The following PRRX1 variants were observed in gnomAD, a reference collection of about 807,000 sequenced individuals.
PRRX1 encodes paired mesoderm homeobox protein 1.
A neutral mutation model predicts 24.0 loss-of-function variants in PRRX1; 8 were observed. The observed-to-expected ratio is 0.33, with a 90% CI of 0.20 to 0.60. PRRX1 has a LOEUF of 0.60. Among genes scored for constraint, PRRX1 ranks in the 20% least tolerant of loss-of-function variants. PRRX1 has a pLI of 0.82. For missense variants in PRRX1, 281 were observed against 322.4 expected (o/e 0.87, Z 0.98); for synonymous variants, 160 against 131.7 (o/e 1.22, Z -1.47).
chr1:170,672,737 A>C (rs1159309350), intron 1 of PRRX1, among the ~76,000 whole-genome samples: 1 of 152,240 alleles, frequency 6.6e-6, no homozygotes, highest in African/African-American at 2.4e-5. Context: ...CCTAGCCAGC[A>C]CTTCAGATAT....
Position 170,711,185 on chromosome 1 carries a change from T to C in PRRX1, c.242-8541T>C, listed in dbSNP as rs192417141. 2.4e-4 allele frequency among the ~76,000 whole-genome samples: 36 copies of C among 152,344 alleles called. 1 individual carries two copies. In the East Asian group the frequency reaches 6.9e-3, roughly 29 times the overall value. ...TTTTCATCTTCAGATTTATTTGACA[T>C]CCAAGACCAGAGTAACACCAAGAAG... On this transcript the variant is annotated intron_variant, in intron 1 of 3. Coordinates refer to ENST00000239461, the MANE Select transcript of PRRX1 (RefSeq NM_022716.4).
rs148994481 is a variant in PRRX1, at chr1:170,705,168, G to A, written c.242-14558G>A. ...CTTTCCTGCTCCATGTCTGCATTAC[G>A]TAGCAATTTAAGACCTCATTTATAT... On this transcript the variant is annotated intron_variant, in intron 1 of 3. Coordinates refer to ENST00000239461, the MANE Select transcript of PRRX1 (RefSeq NM_022716.4). Among the ~76,000 whole-genome samples the A allele has an allele frequency of 3.3e-5, 5 of 152,124 alleles. No individual in the cohort carries two copies. In the East Asian group the frequency reaches 5.8e-4, roughly 18 times the overall value.
At chr1:170,667,229 G>A (rs1289312532) in intron 1 of PRRX1, among the ~76,000 whole-genome samples, 2 of 152,062 alleles carry the variant, frequency 1.3e-5, no homozygotes, top group Non-Finnish European at 2.9e-5. Context: ...GGCCGCAGAA[G>A]GCAGAGTGAG....
At chr1:170,733,762 A>G (rs1041114087) in intron 3 of PRRX1, among the ~76,000 whole-genome samples, 3 of 152,086 alleles carry the variant, frequency 2.0e-5, no homozygotes, top group African/African-American at 7.2e-5. Context: ...TTTTTTTCTC[A>G]GATACTTAGA....
chr1:170,714,455 T>C (rs978899464), intron 1 of PRRX1, among the ~76,000 whole-genome samples: 2 of 152,260 alleles, frequency 1.3e-5, no homozygotes, highest in African/African-American at 4.8e-5. Context: ...AGTTGGTTTC[T>C]GCTACTGGAG....
At chr1:170,663,044 C>T (rs1432303123), upstream of PRRX1, 3 of 150,558 alleles carry the variant, frequency 2.0e-5, no homozygotes, top group African/African-American at 4.9e-5. Flanking sequence ...TTCTCTCTTT[C>T]TCTCTCTCTC....
intron 1 of PRRX1, among the ~76,000 whole-genome samples, chr1:170,674,607 A>AATAT (rs1653250469): frequency 6.6e-6 from 1 of 152,018 alleles, no homozygotes; most frequent in Non-Finnish European, 1.5e-5. Context: ...AGATTTAGAG[A>AATAT]CTTTTGGGGA....
chr1:170,667,222 C>G (rs1303970698), intron 1 of PRRX1, among the ~76,000 whole-genome samples: 1 of 151,910 alleles, frequency 6.6e-6, no homozygotes, highest in Non-Finnish European at 1.5e-5. Flanking sequence ...CGGAGGAGGC[C>G]GCAGAAGGCA....
intron 1 of PRRX1, among the ~76,000 whole-genome samples, chr1:170,678,412 G>A (rs1032878558): frequency 2.0e-5 from 3 of 152,226 alleles, no homozygotes; most frequent in East Asian, 1.9e-4. Context: ...ACTTTGACAA[G>A]TTTATTGCAA....
chr1:170,692,554 C>T (rs1571326320), intron 1 of PRRX1, among the ~76,000 whole-genome samples: 1 of 132,940 alleles, frequency 7.5e-6, no homozygotes. Context: ...CACTAGAGTT[C>T]TACTATTTTT....
chr1:170,734,895 TTCTC>T (rs1431971802), intron 3 of PRRX1, among the ~76,000 whole-genome samples: 1 of 152,176 alleles, frequency 6.6e-6, no homozygotes, highest in Non-Finnish European at 1.5e-5. Flanking sequence ...AGCTTTACTT[TTCTC>T]TCTTTCTGAT....
chr1:170,724,579 A>G (rs1027027414), intron 2 of PRRX1, among the ~76,000 whole-genome samples: 3 of 152,186 alleles, frequency 2.0e-5, no homozygotes, highest in Non-Finnish European at 4.4e-5. Context: ...GGCTTGATGA[A>G]TATCAGATGG....
intron 1 of PRRX1, among the ~76,000 whole-genome samples, chr1:170,690,347 C>T (rs1334919430): frequency 1.3e-5 from 2 of 151,938 alleles, no homozygotes; most frequent in African/African-American, 4.8e-5. Context: ...AACTTGTCAG[C>T]TCAGTGGGTA....
intron 2 of PRRX1, among the ~76,000 whole-genome samples, chr1:170,721,605 G>A (rs1655087954): frequency 6.6e-6 from 1 of 152,176 alleles, no homozygotes. Flanking sequence ...GAAGAAAGTC[G>A]TGGGAGCCTG....
chr1:170,676,909 G>C (rs1416934175), intron 1 of PRRX1, among the ~76,000 whole-genome samples: 1 of 152,090 alleles, frequency 6.6e-6, no homozygotes, highest in African/African-American at 2.4e-5. Flanking sequence ...ATTGGCATGT[G>C]ACTGCTGCAC....
chr1:170,676,220 A>G (rs928291570), intron 1 of PRRX1, among the ~76,000 whole-genome samples: 11 of 152,156 alleles, frequency 7.2e-5, no homozygotes, highest in Non-Finnish European at 1.3e-4. Context: ...ATCACTCCAC[A>G]TTTGACTGTT....
chr1:170,721,438 G>T (rs1655081315), intron 2 of PRRX1, among the ~76,000 whole-genome samples: 1 of 152,144 alleles, frequency 6.6e-6, no homozygotes, highest in Admixed American at 6.5e-5. Flanking sequence ...CTATGGAGGA[G>T]GCACAGTACA....
chr1:170,671,823 G>C (rs1339107718), intron 1 of PRRX1, among the ~76,000 whole-genome samples: 1 of 152,128 alleles, frequency 6.6e-6, no homozygotes, highest in African/African-American at 2.4e-5. Context: ...TAGGACTGAC[G>C]CCTGGGTTCC....
chr1:170,736,517 T>A lies in PRRX1; in HGVS notation c.*331T>A, dbSNP rs1004916258. On this transcript the variant is annotated 3_prime_UTR_variant, in exon 4 of 4. Coordinates refer to ENST00000239461, the MANE Select transcript of PRRX1 (RefSeq NM_022716.4). ...CCACCCCCATGATTGTATGAAGTTT[T>A]AAAAAAAACTACAGCAGCCAAAGAA... The A allele has an allele frequency of 9.3e-5, 32 of 345,914 alleles. No individual in the cohort carries two copies. The highest frequency in any genetic ancestry group is 2.8e-4 in the South Asian group (9 of 32,384). The allele number at this position is 345,914 out of a possible 1,614,324, so 21.4% of individuals were successfully genotyped here.
Sources: allele counts gnomAD v4.1 joint callset (sites outside exome capture counted in the v4.1 genomes callset), GRCh38; gene constraint gnomAD v4.1.1; transcripts MANE v1.5; gene names NCBI Gene and HGNC (gene_info 2026-07-23, HGNC 2026-07-21).